KANK1: variants seen among roughly 807,000 people sequenced by gnomAD.
KANK1 encodes KN motif and ankyrin repeat domains 1.
KANK1 carries 109 observed loss-of-function variants against 106.2 expected under a neutral mutation model. The observed-to-expected ratio is 1.03, with a 90% CI of 0.88 to 1.20. The LOEUF (loss-of-function observed/expected upper bound fraction) is 1.20. KANK1 is among the 50% of genes most tolerant of loss of function. KANK1 has a pLI of 0.00. For missense variants in KANK1, 2,399 were observed against 1,710.7 expected, an observed-to-expected ratio of 1.40 and a Z score of -7.10; for synonymous variants, 873 against 652.2, an observed-to-expected ratio of 1.34 and a Z score of -5.16.
intron 1 of KANK1, among the ~76,000 whole-genome samples, chr9:612,851 G>A (rs553746081): frequency 1.6e-4 from 25 of 152,278 alleles, no homozygotes; most frequent in South Asian, 8.3e-4. Flanking sequence ...TCAAGAAGTA[G>A]TAAGAGACCC....
chr9:730,940 CTAAT>C, intron 4 of KANK1: 1 of 360,064 alleles, frequency 2.8e-6, no homozygotes, highest in Non-Finnish European at 5.1e-6. Context: ...TCTGGAAGGA[CTAAT>C]TGATTTTTTT....
At chr9:658,639 T>C (rs1013301249) in intron 1 of KANK1, among the ~76,000 whole-genome samples, 1 of 152,178 alleles carries the variant, frequency 6.6e-6, no homozygotes, top group Non-Finnish European at 1.5e-5. Context: ...AAGATTCATT[T>C]GGAATTAACT....
chr9:690,644 T>C (rs904101674), intron 2 of KANK1, among the ~76,000 whole-genome samples: 1 of 152,204 alleles, frequency 6.6e-6, no homozygotes, highest in Non-Finnish European at 1.5e-5. Context: ...CATCTTGACC[T>C]GTCCACAGTG....
chr9:473,851 C>T (rs533221575), intron 3 of KANK1, among the ~76,000 whole-genome samples: 1 of 152,158 alleles, frequency 6.6e-6, no homozygotes, highest in Non-Finnish European at 1.5e-5. Flanking sequence ...AGGCATGTGC[C>T]ACCACACCTA....
chr9:629,196 G>C (rs940011503), intron 1 of KANK1, among the ~76,000 whole-genome samples: 1 of 152,084 alleles, frequency 6.6e-6, no homozygotes, highest in African/African-American at 2.4e-5. Context: ...TTTGTCATGA[G>C]AGTTGCTCCC....
intron 1 of KANK1, among the ~76,000 whole-genome samples, chr9:568,425 A>T (rs1368755149): frequency 6.6e-6 from 1 of 152,164 alleles, no homozygotes; most frequent in Non-Finnish European, 1.5e-5. Flanking sequence ...CAGTGGATGT[A>T]TTTATGTGTA....
In KANK1 at chr9:471,933, G is replaced by A. The variant is rs142791137; in HGVS notation, c.-442+1251G>A. Among the ~76,000 whole-genome samples the A allele has an allele frequency of 1.1e-4, 17 of 152,134 alleles. No individual in the cohort carries two copies. In the East Asian group the frequency reaches 2.5e-3, roughly 22 times the overall value. On this transcript the variant is annotated intron_variant, in intron 2 of 15. Coordinates refer to the KANK1 transcript ENST00000382303. ...CACCAGGGACTGCGGCTGACTCCCC[G>A]AGCACAAGGACAGTAAGAATAAACC...
At chr9:657,626 G>A (rs1189725745) in intron 1 of KANK1, among the ~76,000 whole-genome samples, 1 of 151,778 alleles carries the variant, frequency 6.6e-6, no homozygotes, top group African/African-American at 2.4e-5. Context: ...TTTTGATTTG[G>A]TTCTGCCTTT....
At chr9:696,372 A>T (rs996461085) in intron 2 of KANK1, among the ~76,000 whole-genome samples, 2 of 152,286 alleles carry the variant, frequency 1.3e-5, no homozygotes, top group East Asian at 3.9e-4. Flanking sequence ...GCTAACTGTA[A>T]CACAGTTCCG....
At chr9:620,472 G>A (rs532588172) in intron 1 of KANK1, among the ~76,000 whole-genome samples, 4 of 151,820 alleles carry the variant, frequency 2.6e-5, no homozygotes, top group Non-Finnish European at 5.9e-5. Flanking sequence ...GCGTGATTTC[G>A]GCTCACGGCA....
At chr9:642,244 C>T (rs1221246731) in intron 1 of KANK1, among the ~76,000 whole-genome samples, 6 of 143,490 alleles carry the variant, frequency 4.2e-5, no homozygotes, top group Admixed American at 2.0e-4. Context: ...CATGAAAGGT[C>T]GTAGAATAAA....
Position 562,327 on chromosome 9 carries a change from C to G in KANK1, c.-84+57573C>G, listed in dbSNP as rs1389173718. On this transcript the variant is annotated intron_variant, in intron 1 of 11. Transcript: ENST00000382297. ...TCGGCCTCCCAAAGTGCTGGGATTA[C>G]AGGCGTGAGCCACCGCGCCCGGCCC... Among the ~76,000 whole-genome samples, 150 of 152,238 alleles carry G rather than the reference C, an allele frequency of 9.9e-4. 2 individuals carry two copies. The highest frequency in any genetic ancestry group is 2.9e-5 in the Non-Finnish European group (2 of 68,006).
At chr9:600,106 TG>T (rs1400028067) in intron 1 of KANK1, among the ~76,000 whole-genome samples, 2 of 151,856 alleles carry the variant, frequency 1.3e-5, no homozygotes, top group Non-Finnish European at 2.9e-5. Flanking sequence ...AATTCAGTAA[TG>T]TTGTTTACAT....
chr9:570,512 A>C (rs977237639), intron 1 of KANK1, among the ~76,000 whole-genome samples: 19 of 152,192 alleles, frequency 1.2e-4, no homozygotes, highest in African/African-American at 4.6e-4. Context: ...CTTACCAGAA[A>C]GTTAATCTGT....
intron 1 of KANK1, among the ~76,000 whole-genome samples, chr9:653,970 A>G (rs369077990): frequency 3.3e-5 from 5 of 152,266 alleles, no homozygotes; most frequent in African/African-American, 1.2e-4. Context: ...GTTCCTTTCC[A>G]CATGGATACT....
chr9:719,666 A>G (rs1007356374), intron 3 of KANK1, among the ~76,000 whole-genome samples: 4 of 152,236 alleles, frequency 2.6e-5, no homozygotes, highest in Admixed American at 2.6e-4. Flanking sequence ...ACTAATACCC[A>G]TTCTGGACAG....
intron 1 of KANK1, among the ~76,000 whole-genome samples, chr9:524,853 T>G (rs2059711789): frequency 6.6e-6 from 1 of 151,452 alleles, no homozygotes; most frequent in South Asian, 2.1e-4. Flanking sequence ...AAATAGTAAT[T>G]TTGGGTATGC....
chr9:561,507 G>A (rs1816437046), intron 1 of KANK1, among the ~76,000 whole-genome samples: 1 of 152,160 alleles, frequency 6.6e-6, no homozygotes. Flanking sequence ...ACTCATCACT[G>A]TGCATTTGTT....
At chr9:481,083 A>G (rs1401271171) in intron 3 of KANK1, among the ~76,000 whole-genome samples, 5 of 152,254 alleles carry the variant, frequency 3.3e-5, no homozygotes, top group Admixed American at 2.6e-4. Flanking sequence ...GGGCTACATC[A>G]TCTGACACAA....
Sources: allele counts gnomAD v4.1 joint callset (sites outside exome capture counted in the v4.1 genomes callset), GRCh38; gene constraint gnomAD v4.1.1; transcripts MANE v1.5; gene names NCBI Gene and HGNC (gene_info 2026-07-23, HGNC 2026-07-21).